Variants in TMTC2 observed in about 807,000 individuals in gnomAD.
TMTC2 encodes protein O-mannosyl-transferase TMTC2.
In TMTC2, 43 loss-of-function variants were observed where a neutral mutation model predicts 82.4. That is an observed-to-expected ratio of 0.52 (90% CI 0.41 to 0.67). TMTC2 has a LOEUF of 0.67. Ranked by LOEUF, TMTC2 falls within the 30% of genes least tolerant of loss-of-function variation. The pLI, the probability that TMTC2 is intolerant of heterozygous loss-of-function variation, is 0.00. For synonymous variants in TMTC2, 408 were observed against 381.9 expected (o/e 1.07, Z -0.80); for missense variants, 919 against 1,012.4 (o/e 0.91, Z 1.25).
At chr12:82,915,048 C>T (rs940940832) in intron 3 of TMTC2, among the ~76,000 whole-genome samples, 1 of 152,082 alleles carries the variant, frequency 6.6e-6, no homozygotes, top group South Asian at 2.1e-4. Context: ...TGGTCTCGAA[C>T]TCCTGACCTC....
At chr12:82,953,847 A>C (rs1877476469) in intron 4 of TMTC2, among the ~76,000 whole-genome samples, 1 of 152,234 alleles carries the variant, frequency 6.6e-6, no homozygotes, top group South Asian at 2.1e-4. Flanking sequence ...TGAGAAAAAA[A>C]AAAAACCCTT....
intron 8 of TMTC2, among the ~76,000 whole-genome samples, chr12:83,010,124 G>T (rs1271630165): frequency 6.6e-6 from 1 of 152,134 alleles, no homozygotes; most frequent in African/African-American, 2.4e-5. Context: ...GGGGGTTGGG[G>T]ACCCTTGTAA....
Position 83,024,700 on chromosome 12 carries a change from T to C in TMTC2, c.2071-6098T>C, listed in dbSNP as rs1881086055. Among the ~76,000 whole-genome samples the C allele has an allele frequency of 2.0e-5, 3 of 152,206 alleles. No individual in the cohort carries two copies. In the South Asian group the frequency reaches 6.2e-4, roughly 31 times the overall value. The stretch of plus-strand genomic sequence containing the variant: ...CTACTGATGCTGAAGGTATAGGTAA[T>C]CACCAATTAAGATACAAATATTTGT... On this transcript the variant is annotated intron_variant, in intron 8 of 11. Transcript: ENST00000321196.
intron 9 of TMTC2, among the ~76,000 whole-genome samples, chr12:83,043,186 AAG>A (rs1401419586): frequency 6.6e-6 from 1 of 152,202 alleles, no homozygotes; most frequent in Non-Finnish European, 1.5e-5. Flanking sequence ...GAGAGGCAGA[AAG>A]AGAAGAACCC....
At chr12:83,012,032 A>T (rs1217256179) in intron 8 of TMTC2, among the ~76,000 whole-genome samples, 2 of 152,178 alleles carry the variant, frequency 1.3e-5, no homozygotes, top group African/African-American at 4.8e-5. Flanking sequence ...TCACTGACAC[A>T]TCACTGTCCT....
At chr12:83,127,408 T>C (rs893080634) in intron 11 of TMTC2, among the ~76,000 whole-genome samples, 1 of 152,112 alleles carries the variant, frequency 6.6e-6, no homozygotes, top group Non-Finnish European at 1.5e-5. Flanking sequence ...TTGATTATCC[T>C]TCATAAAACG....
intron 9 of TMTC2, among the ~76,000 whole-genome samples, chr12:83,040,003 A>T (rs1456985740): frequency 1.3e-5 from 2 of 152,234 alleles, no homozygotes; most frequent in Non-Finnish European, 2.9e-5. Flanking sequence ...GTGCTCATTA[A>T]TGCTAGTGCT....
In TMTC2 at chr12:83,033,076, A is replaced by G. The variant is rs79061664; in HGVS notation, c.2152+2197A>G. Among the ~76,000 whole-genome samples the G allele has an allele frequency of 8.5e-3, 1,291 of 152,288 alleles. 24 individuals are homozygous for G. Among genetic ancestry groups the G allele is most frequent in the African/African-American group, 0.029 (1,225 of 41,560 alleles). The stretch of plus-strand genomic sequence containing the variant: ...AATGTTAGGTATTTTATGAAATTTT[A>G]TAAGTTTCAATATTTTCTCCTACTT... On this transcript the variant is annotated intron_variant, in intron 9 of 11. Transcript: ENST00000321196.
intron 10 of TMTC2, among the ~76,000 whole-genome samples, chr12:83,052,733 G>A (rs1305392212): frequency 6.6e-6 from 1 of 152,084 alleles, no homozygotes; most frequent in Admixed American, 6.6e-5. Flanking sequence ...ACAAAATAAA[G>A]TCCTTGTTAA....
At chr12:83,026,813 A>T (rs994545677) in intron 8 of TMTC2, among the ~76,000 whole-genome samples, 1 of 151,698 alleles carries the variant, frequency 6.6e-6, no homozygotes, top group Non-Finnish European at 1.5e-5. Context: ...ATTGGGAGAG[A>T]TGCTGCTTGC....
chr12:82,753,986 A>G (rs908393980), intron 1 of TMTC2, among the ~76,000 whole-genome samples: 1 of 152,214 alleles, frequency 6.6e-6, no homozygotes, highest in Non-Finnish European at 1.5e-5. Flanking sequence ...TCTGGGATCC[A>G]ACAGTTAAAT....
chr12:82,865,553 A>G (rs1472305816), intron 2 of TMTC2, among the ~76,000 whole-genome samples: 2 of 152,160 alleles, frequency 1.3e-5, no homozygotes, highest in Non-Finnish European at 2.9e-5. Flanking sequence ...CTCCCACACA[A>G]TAATAATGGG....
At chr12:83,097,400 A>T (rs1884065675) in intron 11 of TMTC2, among the ~76,000 whole-genome samples, 1 of 152,006 alleles carries the variant, frequency 6.6e-6, no homozygotes, top group East Asian at 1.9e-4. Flanking sequence ...AATTTATTTA[A>T]CTCTTTGCTC....
chr12:82,964,841 C>T (rs569380928), intron 4 of TMTC2, among the ~76,000 whole-genome samples, 183 bp from the exon 5 acceptor site: 1 of 152,160 alleles, frequency 6.6e-6, no homozygotes, highest in South Asian at 2.1e-4. Context: ...GCAACGGATA[C>T]CTATCCAGTA....
rs1228947082 is a variant in TMTC2 at position 83,051,006 on chromosome 12, C to T, written c.2255C>T (p.Ala752Val). ...GAGTTTGATGTTGTCTTCAATGCTG[C>T]CCACATGCTCAGGTTAGTTTTTTTG... Reference protein sequence around the residue: ...STEFDVVFNAAHMLRQASLNE... With the variant: ...STEFDVVFNAVHMLRQASLNE... The change falls in exon 10 of 12, where the codon GCC becomes GTC. Residue 752 changes from alanine to valine, a missense_variant. Ala to Val is a moderately conservative substitution (Grantham distance 64). Transcript: ENST00000321196. 1 of 1,607,206 alleles carries T rather than the reference C, an allele frequency of 6.2e-7. No homozygotes were observed. Among genetic ancestry groups the T allele is most frequent in the Non-Finnish European group, 8.5e-7 (1 of 1,176,650 alleles).
chr12:82,844,050 T>G (rs1386415290), intron 1 of TMTC2, among the ~76,000 whole-genome samples: 1 of 152,208 alleles, frequency 6.6e-6, no homozygotes, highest in Non-Finnish European at 1.5e-5. Context: ...CATGAATGTC[T>G]TTCCACTCCC....
intron 3 of TMTC2, among the ~76,000 whole-genome samples, chr12:82,908,085 C>T (rs1173013512): frequency 5.3e-5 from 8 of 152,050 alleles, no homozygotes; most frequent in Admixed American, 2.0e-4. Flanking sequence ...GGCAACAGAG[C>T]GAGATTCCCT....
chr12:82,859,968 TTTG>T (rs915306015), intron 2 of TMTC2, among the ~76,000 whole-genome samples: 21 of 152,146 alleles, frequency 1.4e-4, no homozygotes, highest in Non-Finnish European at 2.5e-4. Context: ...TTTATAGATT[TTTG>T]TTGTTGTTGT....
At chr12:83,063,358 T>A (rs1882810565) in intron 11 of TMTC2, among the ~76,000 whole-genome samples, 1 of 151,828 alleles carries the variant, frequency 6.6e-6, no homozygotes, top group African/African-American at 2.4e-5. Context: ...GTGGCTATTC[T>A]GAATGCTGTC....
Sources: gnomAD v4.1 joint callset for allele counts (sites outside exome capture counted in the v4.1 genomes callset) on GRCh38, gnomAD v4.1.1 for gene constraint, MANE v1.5 for transcripts, NCBI Gene and HGNC (gene_info 2026-07-23, HGNC 2026-07-21) for gene names.